Variants in SPTB observed in about 807,000 individuals in gnomAD.
The protein encoded by SPTB is spectrin beta chain, erythrocytic.
SPTB carries 45 observed loss-of-function variants against 256.2 expected under a neutral mutation model. The observed-to-expected ratio is 0.18, with a 90% CI of 0.14 to 0.23. SPTB has a LOEUF of 0.23. SPTB is among the 10% of genes least tolerant of loss of function. The pLI is 1.00. For missense variants in SPTB, 2,715 were observed against 3,040.4 expected, an observed-to-expected ratio of 0.89 and a Z score of 2.52; for synonymous variants, 1,231 against 1,243.1, an observed-to-expected ratio of 0.99 and a Z score of 0.21.
chr14:64,861,463 C>T (rs1268278930), intron 1 of SPTB, among the ~76,000 whole-genome samples: 1 of 152,188 alleles, frequency 6.6e-6, no homozygotes, highest in Non-Finnish European at 1.5e-5. Flanking sequence ...CGAAATGATA[C>T]TGTGCATCTA....
intron 1 of SPTB, among the ~76,000 whole-genome samples, chr14:64,877,955 A>T (rs1022830771): frequency 6.6e-6 from 1 of 152,052 alleles, no homozygotes; most frequent in Non-Finnish European, 1.5e-5. Flanking sequence ...TGGTATCCCA[A>T]CTCTCTTCTG....
In SPTB at chr14:64,748,845, C is replaced by T. The variant is rs1463582962; in HGVS notation, c.*461G>A. The T allele has an allele frequency of 5.9e-6, 1 of 169,936 alleles. No homozygotes were observed. Among genetic ancestry groups the T allele is most frequent in the Non-Finnish European group, 1.2e-5 (1 of 80,732 alleles). 10.5% of individuals were successfully genotyped at this position (169,936 alleles called of 1,614,324 possible). A position where few individuals can be genotyped will look rare whatever the true frequency, so the allele number is the denominator to read the frequency against. On this transcript the variant is annotated 3_prime_UTR_variant, in exon 36 of 36. Coordinates refer to ENST00000644917, the MANE Select transcript of SPTB (RefSeq NM_001355436.2). ...CCAGTGTCTTCTTCCTTTCCCCTTT[C>T]CCTGGCTGCCACCAGGTGGGAGGTG...
chr14:64,764,944 G>A lies in SPTB; in HGVS notation c.6345+1782C>T, dbSNP rs973351679. ...GACCCTTCAGCAGGAGCCCAGCAGT[G>A]CCCTCTGCTGGGCATGGTGGGCTGG... On this transcript the variant is annotated intron_variant, in intron 32 of 35. Coordinates refer to ENST00000644917, the MANE Select transcript of SPTB (RefSeq NM_001355436.2). This position sits in a 1 kb window ranked among gnomAD's most constrained non-coding sequence, Gnocchi z 4.2. 1.4e-4 allele frequency among the ~76,000 whole-genome samples: 22 copies of A among 152,006 alleles called. No homozygotes were observed. The highest frequency in any genetic ancestry group is 2.9e-4 in the Non-Finnish European group (20 of 67,972).
chr14:64,823,140 G>C lies in SPTB; in HGVS notation c.-46C>G. 1 of 1,611,798 alleles carries C rather than the reference G, an allele frequency of 6.2e-7. No individual in the cohort carries two copies. The highest frequency in any genetic ancestry group is 8.5e-7 in the Non-Finnish European group (1 of 1,178,064). ...TCCGCCTGCCTCAGTCTTCATGGAA[G>C]GATCCCTGGGGGACAGCAACACAGT... On this transcript the variant is annotated 5_prime_UTR_variant, in exon 2 of 36. Coordinates refer to ENST00000644917, the MANE Select transcript of SPTB (RefSeq NM_001355436.2). This position sits in a 1 kb window ranked among gnomAD's most constrained non-coding sequence, Gnocchi z 6.5.
chr14:64,794,401 G>A (rs2082729459), intron 13 of SPTB, 66 bp downstream of exon 13: 4 of 1,594,640 alleles, frequency 2.5e-6, no homozygotes, highest in Non-Finnish European at 3.4e-6. Flanking sequence ...TCCAAGTTGG[G>A]TTGTTAGGCC....
intron 32 of SPTB, chr14:64,754,378 G>A (rs572545961): frequency 5.7e-6 from 1 of 175,214 alleles, no homozygotes; most frequent in South Asian, 1.3e-4. Context: ...CCATCAGCAG[G>A]TCTAACAGGT....
chr14:64,795,325 C>T lies in SPTB; in HGVS notation c.1644+12G>A, dbSNP rs577509679. 1.9e-6 allele frequency: 3 copies of T among 1,603,202 alleles called. No individual in the cohort carries two copies. The highest frequency in any genetic ancestry group is 1.3e-5 in the African/African-American group (1 of 75,044). ...ACTGCAGGGCATGGCGGGGGCGGCCCCCAGGGCCCACCTTGATCTCATCCA... is the reference window on the plus strand; with the variant it reads ...ACTGCAGGGCATGGCGGGGGCGGCCTCCAGGGCCCACCTTGATCTCATCCA... On this transcript the variant is annotated intron_variant, in intron 12 of 35. Transcript: ENST00000644917. The surrounding 1 kb of genome is among the most constrained non-coding windows in gnomAD (Gnocchi z 6.5).
chr14:64,855,364 T>C (rs972925973), intron 1 of SPTB, among the ~76,000 whole-genome samples: 6 of 152,162 alleles, frequency 3.9e-5, no homozygotes, highest in Non-Finnish European at 8.8e-5. Context: ...CCATTCTTTA[T>C]GAAATAGGAA....
chr14:64,830,993 G>A (rs1279088885), intron 1 of SPTB, among the ~76,000 whole-genome samples: 3 of 152,136 alleles, frequency 2.0e-5, no homozygotes, highest in African/African-American at 7.2e-5. Context: ...TGTATAACAT[G>A]TTCTCAGAAT....
chr14:64,822,191 G>A (rs865913332), intron 2 of SPTB, among the ~76,000 whole-genome samples: 9 of 149,602 alleles, frequency 6.0e-5, no homozygotes, highest in African/African-American at 1.7e-4. Context: ...CTTATTGGCC[G>A]AAGACTTAAG....
At chr14:64,846,646 G>A (rs967482420) in intron 1 of SPTB, among the ~76,000 whole-genome samples, 8 of 152,220 alleles carry the variant, frequency 5.3e-5, no homozygotes, top group Admixed American at 1.3e-4. Context: ...CCGCCTTCAA[G>A]GAACTCATGA....
chr14:64,771,263 T>G, intron 26 of SPTB, 134 bp from the exon 27 acceptor site: 1 of 1,367,928 alleles, frequency 7.3e-7, no homozygotes, highest in Non-Finnish European at 1.0e-6. Context: ...ATCTTCAGCC[T>G]CCACCCAGTG....
intron 1 of SPTB, among the ~76,000 whole-genome samples, chr14:64,832,244 T>C (rs551101178): frequency 1.3e-5 from 2 of 152,376 alleles, no homozygotes; most frequent in Admixed American, 6.5e-5. Flanking sequence ...AAGTCACTGA[T>C]ACCTCCCTTC....
intron 32 of SPTB, chr14:64,763,895 GCA>G (rs1054414326): frequency 1.7e-5 from 9 of 518,612 alleles, no homozygotes; most frequent in Non-Finnish European, 3.5e-5. Context: ...GTCACCACGT[GCA>G]CACACACGTG....
chr14:64,748,238 C>G lies in SPTB; in HGVS notation c.*1068G>C, dbSNP rs1381163111. 1 of 149,772 alleles carries G rather than the reference C, an allele frequency of 6.7e-6. No individual in the cohort carries two copies. Among genetic ancestry groups the G allele is most frequent in the Non-Finnish European group, 1.5e-5 (1 of 68,012 alleles). The allele number at this position is 149,772 out of a possible 1,614,324, so 9.3% of individuals were successfully genotyped here. A position where few individuals can be genotyped will look rare whatever the true frequency, so the allele number is the denominator to read the frequency against. The stretch of plus-strand genomic sequence containing the variant: ...CTTTACTGTCTGCCCAGCCATTACC[C>G]TCCAAAGTCCCAGCTGCAGACAGGA... On this transcript the variant is annotated 3_prime_UTR_variant, in exon 36 of 36. Coordinates refer to ENST00000644917, the MANE Select transcript of SPTB (RefSeq NM_001355436.2).
chr14:64,782,186 C>A (rs1242540150), intron 20 of SPTB, 104 bp downstream of exon 20: 3 of 1,533,794 alleles, frequency 2.0e-6, no homozygotes, highest in Admixed American at 1.7e-5. Flanking sequence ...ATGTGACAAA[C>A]CTTCACATGT....
In SPTB at chr14:64,749,913, C is replaced by T. The variant is rs961113021; in HGVS notation, c.6776+68G>A. On this transcript the variant is annotated intron_variant, in intron 34 of 35. Transcript: ENST00000644917. The surrounding 1 kb of genome is among the most constrained non-coding windows in gnomAD (Gnocchi z 4.7). ...CCTGGCACTGGTCCCCTACAGAGGG[C>T]CTCTGCCCTGCCACTAATGCCAAAT... The T allele has an allele frequency of 1.1e-5, 18 of 1,603,466 alleles. No homozygotes were observed. The highest frequency in any genetic ancestry group is 2.7e-5 in the African/African-American group (2 of 74,716).
intron 33 of SPTB, 103 bp downstream of exon 33, chr14:64,753,434 A>T: frequency 6.3e-7 from 1 of 1,575,364 alleles, no homozygotes; most frequent in Non-Finnish European, 8.6e-7. Context: ...GGCAGAAGGC[A>T]CCCCTCCCCC....
Position 64,753,696 on chromosome 14 carries a change from G to A in SPTB, c.6443C>T (p.Thr2148Ile). ...GQKSTGDERP[T>I]TEPLFKVLDT... ...TAGGACCTTAAAGAGGGGCTCCGTG[G>A]TGGGCCTCTCATCCCCAGTGGATTT... Residue 2148 changes from threonine to isoleucine, a missense_variant, in exon 33 of 36, where the codon ACC becomes ATC. Around this residue, in one of 4 missense-constraint regions of SPTB, gnomAD observed 2,239 missense variants for 2,384.4 expected, o/e 0.94. Transcript: ENST00000644917. 1.2e-6 allele frequency: 2 copies of A among 1,613,772 alleles called. No homozygotes were observed. The highest frequency in any genetic ancestry group is 1.6e-4 in the Middle Eastern group (1 of 6,062).
Sources: gnomAD v4.1 joint callset for allele counts (sites outside exome capture counted in the v4.1 genomes callset) on GRCh38, gnomAD v4.1.1 for gene constraint, gnomAD v4.1.1 regional missense constraint, Gnocchi (gnomAD v3.1) non-coding constraint, MANE v1.5 for transcripts, NCBI Gene and HGNC (gene_info 2026-07-23, HGNC 2026-07-21) for gene names.